Variants in CIMIP6 observed in about 807,000 individuals in gnomAD.
CIMIP6 encodes ciliary microtubule inner protein 6.
chr2:54,357,823 G>T, the CIMIP6 span, among the ~76,000 whole-genome samples: 12 of 151,086 alleles, frequency 7.9e-5, no homozygotes, highest in African/African-American at 2.9e-4. Context: ...TTGACCTTGT[G>T]ATCTGCCTGC....
chr2:54,368,773 C>T, the CIMIP6 span, among the ~76,000 whole-genome samples: 1 of 152,194 alleles, frequency 6.6e-6, no homozygotes, highest in African/African-American at 2.4e-5. Context: ...CCCTGATTGG[C>T]ATTACTCCAT....
chr2:54,355,263 G>T, the CIMIP6 span, among the ~76,000 whole-genome samples: 1 of 151,786 alleles, frequency 6.6e-6, no homozygotes, highest in East Asian at 1.9e-4. Flanking sequence ...ATTTTTCTTT[G>T]TCCCAGATGA....
chr2:54,332,050 A>G, the CIMIP6 span, among the ~76,000 whole-genome samples: 2 of 152,222 alleles, frequency 1.3e-5, no homozygotes, highest in African/African-American at 4.8e-5. Flanking sequence ...ATTGATGCCA[A>G]TGCTGCTACT....
the CIMIP6 span, among the ~76,000 whole-genome samples, chr2:54,356,654 C>A: frequency 1.3e-5 from 2 of 152,110 alleles, no homozygotes; most frequent in African/African-American, 4.8e-5. Context: ...ACCCTAGCAT[C>A]CTAGAGACTT....
At chr2:54,364,857 A>G in the CIMIP6 span, among the ~76,000 whole-genome samples, 5 of 152,234 alleles carry the variant, frequency 3.3e-5, no homozygotes, top group Non-Finnish European at 7.3e-5. Context: ...GTAGGATAAA[A>G]TATAACAGGA....
At chr2:54,346,561 A>G in the CIMIP6 span, among the ~76,000 whole-genome samples, 1 of 152,132 alleles carries the variant, frequency 6.6e-6, no homozygotes, top group African/African-American at 2.4e-5. Context: ...AGTCTTCTCC[A>G]TCTCAGTGAA....
the CIMIP6 span, among the ~76,000 whole-genome samples, chr2:54,335,990 G>T: frequency 6.6e-6 from 1 of 152,066 alleles, no homozygotes; most frequent in African/African-American, 2.4e-5. Flanking sequence ...GATAATTCAG[G>T]ATAATCTCCC....
At chr2:54,362,311 TCA>T in the CIMIP6 span, among the ~76,000 whole-genome samples, 2 of 152,170 alleles carry the variant, frequency 1.3e-5, no homozygotes, top group Non-Finnish European at 2.9e-5. Context: ...GACTATAATT[TCA>T]GAACTGGAGA....
chr2:54,377,706 C>T, the CIMIP6 span, among the ~76,000 whole-genome samples: 1 of 152,162 alleles, frequency 6.6e-6, no homozygotes, highest in Admixed American at 6.5e-5. Flanking sequence ...TGTGTGGCAA[C>T]AGTAGGTGTC....
chr2:54,379,921 G>T, the CIMIP6 span, among the ~76,000 whole-genome samples: 1 of 151,752 alleles, frequency 6.6e-6, no homozygotes, highest in South Asian at 2.1e-4. Context: ...AGGTTACAGT[G>T]AGCCGAGATA....
the CIMIP6 span, chr2:54,361,441 G>A: frequency 1.3e-5 from 2 of 152,144 alleles, no homozygotes; most frequent in Non-Finnish European, 2.9e-5. Context: ...AGTAGGTGGA[G>A]TATTCCTCTG....
chr2:54,358,360 C>T, the CIMIP6 span, among the ~76,000 whole-genome samples: 4 of 152,128 alleles, frequency 2.6e-5, no homozygotes, highest in African/African-American at 4.8e-5. Context: ...TTATGTTTTC[C>T]CTAAAATGTA....
chr2:54,369,936 C>A, the CIMIP6 span, among the ~76,000 whole-genome samples: 1 of 152,142 alleles, frequency 6.6e-6, no homozygotes, highest in Non-Finnish European at 1.5e-5. Context: ...CTACTTTAGT[C>A]CTATATTTTG....
chr2:54,369,191 G>A, the CIMIP6 span, among the ~76,000 whole-genome samples: 1 of 152,162 alleles, frequency 6.6e-6, no homozygotes, highest in Non-Finnish European at 1.5e-5. Flanking sequence ...AAATGTGTCA[G>A]GAATTTGTGT....
the CIMIP6 span, among the ~76,000 whole-genome samples, chr2:54,353,921 G>GT: frequency 1.3e-5 from 2 of 151,960 alleles, no homozygotes; most frequent in Non-Finnish European, 2.9e-5. Context: ...TTTAAGAAGG[G>GT]TTTTTCCTAC....
the CIMIP6 span, among the ~76,000 whole-genome samples, chr2:54,369,162 C>A: frequency 6.6e-6 from 1 of 152,102 alleles, no homozygotes; most frequent in African/African-American, 2.4e-5. Context: ...CCTCAGTTAC[C>A]AAAACACTGC....
chr2:54,333,926 G>A, the CIMIP6 span, among the ~76,000 whole-genome samples: 1 of 151,896 alleles, frequency 6.6e-6, no homozygotes, highest in East Asian at 1.9e-4. Context: ...TGGTAGAAGA[G>A]ATGGACCTGG....
At chr2:54,333,764 G>A in the CIMIP6 span, among the ~76,000 whole-genome samples, 3 of 151,962 alleles carry the variant, frequency 2.0e-5, no homozygotes, top group Admixed American at 6.6e-5. Flanking sequence ...GTGGTGGTGC[G>A]CGCCTGTAAC....
the CIMIP6 span, among the ~76,000 whole-genome samples, chr2:54,333,024 TCAAA>T: frequency 6.6e-6 from 1 of 152,248 alleles, no homozygotes; most frequent in Admixed American, 6.5e-5. Flanking sequence ...TTGAGGGTAT[TCAAA>T]CAAAGCTGGA....
Sources: allele counts gnomAD v4.1 joint callset (sites outside exome capture counted in the v4.1 genomes callset), GRCh38; gene constraint gnomAD v4.1.1; transcripts MANE v1.5; gene names NCBI Gene and HGNC (gene_info 2026-07-23, HGNC 2026-07-21).